Variants in GAK observed in about 807,000 individuals in gnomAD.
GAK encodes cyclin-G-associated kinase.
Under a neutral mutation model 143.9 loss-of-function variants are expected in GAK, and 79 were observed. The observed-to-expected ratio is 0.55, with a 90% CI of 0.46 to 0.66. The LOEUF is 0.66. Among genes scored for constraint, GAK ranks in the 30% least tolerant of loss-of-function variants. GAK has a pLI of 0.00. For synonymous variants in GAK, 881 were observed against 765.5 expected (o/e 1.15, Z -2.49); for missense variants, 1,693 against 1,779.7 (o/e 0.95, Z 0.88).
At chr4:896,312 A>C (rs1362448706) in intron 7 of GAK, 148 bp downstream of exon 7, 1 of 645,696 alleles carries the variant, frequency 1.5e-6, no homozygotes, top group Non-Finnish European at 2.7e-6. Flanking sequence ...GTGATTCTTA[A>C]GGAAAGGAAA....
chr4:907,208 T>A (rs966396940), intron 4 of GAK, among the ~76,000 whole-genome samples: 3 of 152,078 alleles, frequency 2.0e-5, no homozygotes, highest in Admixed American at 6.5e-5. Context: ...CACCTGCGTG[T>A]CCCCAGCACA....
intron 18 of GAK, among the ~76,000 whole-genome samples, chr4:873,398 C>T (rs1247368976): frequency 6.6e-6 from 1 of 152,138 alleles, no homozygotes; most frequent in Non-Finnish European, 1.5e-5. Context: ...TATGACCCAA[C>T]GTGGAGTCCA....
At chr4:919,750 C>T (rs567805197) in intron 1 of GAK, among the ~76,000 whole-genome samples, 16 of 152,348 alleles carry the variant, frequency 1.1e-4, no homozygotes, top group African/African-American at 3.1e-4. Flanking sequence ...ACACACTACT[C>T]GGATACCTGT....
intron 18 of GAK, among the ~76,000 whole-genome samples, chr4:871,633 C>T (rs1288533827): frequency 1.3e-5 from 2 of 148,888 alleles, no homozygotes; most frequent in African/African-American, 2.5e-5. Context: ...CTTGGGGTGT[C>T]GGCCGTGCGG....
chr4:894,177 T>G, intron 7 of GAK, 168 bp from the exon 8 acceptor site: 1 of 707,256 alleles, frequency 1.4e-6, no homozygotes, highest in Non-Finnish European at 2.1e-6. Flanking sequence ...AACACAGGGG[T>G]GATATCGGGA....
intron 27 of GAK, 58 bp downstream of exon 27, chr4:849,834 A>T: frequency 3.5e-4 from 332 of 947,504 alleles, no homozygotes; most frequent in Non-Finnish European, 4.4e-4. Context: ...GCGGGGCAGG[A>T]CCCCCCCCCC....
chr4:924,479 C>T (rs532389255), intron 1 of GAK, among the ~76,000 whole-genome samples: 3 of 150,822 alleles, frequency 2.0e-5, no homozygotes, highest in African/African-American at 7.4e-5. Context: ...GAAAAACACA[C>T]GTCCACAAAA....
At chr4:882,392 G>A (rs1341324034) in intron 14 of GAK, among the ~76,000 whole-genome samples, 1 of 152,200 alleles carries the variant, frequency 6.6e-6, no homozygotes, top group Non-Finnish European at 1.5e-5. Flanking sequence ...CTGCAGATCG[G>A]GAAACTGGAA....
intron 22 of GAK, among the ~76,000 whole-genome samples, chr4:865,950 T>A (rs1434425451): frequency 6.6e-6 from 1 of 152,214 alleles, no homozygotes; most frequent in African/African-American, 2.4e-5. Context: ...CCACGGCCCC[T>A]GCTACACCCA....
chr4:855,484 A>G (rs1007398289), intron 24 of GAK, among the ~76,000 whole-genome samples: 1 of 152,212 alleles, frequency 6.6e-6, no homozygotes, highest in African/African-American at 2.4e-5. Flanking sequence ...AGATCTTTGT[A>G]GATTGCTTCA....
chr4:921,092 T>G (rs1245320431), intron 1 of GAK, among the ~76,000 whole-genome samples: 4 of 151,804 alleles, frequency 2.6e-5, no homozygotes, highest in Non-Finnish European at 5.9e-5. Context: ...TCAATCCAGG[T>G]GATTTCTTCT....
intron 19 of GAK, chr4:868,952 A>G (rs764496356): frequency 4.2e-6 from 2 of 481,798 alleles, no homozygotes; most frequent in Non-Finnish European, 7.6e-6. Flanking sequence ...CTGAGGCATC[A>G]AACGCCACAC....
At chr4:854,721 C>G (rs1378047645) in intron 24 of GAK, among the ~76,000 whole-genome samples, 1 of 152,238 alleles carries the variant, frequency 6.6e-6, no homozygotes, top group East Asian at 1.9e-4. Context: ...GGAACAGTGA[C>G]TTCTCCCATT....
At chr4:896,698 G>C (rs1409606258) in intron 6 of GAK, 149 bp from the exon 7 acceptor site, 2 of 677,456 alleles carry the variant, frequency 3.0e-6, no homozygotes, top group Non-Finnish European at 2.7e-6. Flanking sequence ...CCTCAGGCCA[G>C]TCGGCCCCAT....
chr4:929,801 A>C (rs1725384158), intron 1 of GAK, among the ~76,000 whole-genome samples: 1 of 152,240 alleles, frequency 6.6e-6, no homozygotes, highest in Non-Finnish European at 1.5e-5. Flanking sequence ...CCTAAAAGCT[A>C]TGAAAACCAT....
chr4:888,590 A>AGGGAG, intron 11 of GAK: 1 of 486,550 alleles, frequency 2.1e-6, no homozygotes, highest in Non-Finnish European at 3.7e-6. Flanking sequence ...CATTGCAGCA[A>AGGGAG]GGGAGGGGAG....
intron 6 of GAK, 126 bp from the exon 7 acceptor site, chr4:896,675 T>C (rs1305551633): frequency 5.4e-6 from 4 of 737,710 alleles, no homozygotes; most frequent in Non-Finnish European, 9.5e-6. Context: ...CCGCACACTA[T>C]GCCCCGGGAT....
chr4:876,506 C>A, intron 18 of GAK, 24 bp downstream of exon 18: 2 of 1,608,982 alleles, frequency 1.2e-6, no homozygotes, highest in Non-Finnish European at 1.7e-6. Flanking sequence ...CCCTCCCCAC[C>A]GAGCACAAGC....
At position 866,417 on chromosome 4, in the gene GAK, G is replaced by T. The variant is rs200039965; in HGVS notation, c.2990C>A (p.Pro997Gln). The change falls in exon 22 of 28, where the codon CCG becomes CAG. Residue 997 changes from proline (P) to glutamine (Q), a missense_variant. By Grantham distance (76) the Pro-to-Gln change is moderately conservative. Transcript: ENST00000314167. ...TGGGGGCGGAGCACTGTGGGCAGAC[G>T]GGAAGGATGGTGGGACGGTCACAGA... The part of the protein sequence containing the change: ...SDSVTVPPSF[P>Q]SAHSAPPPSC... 6.2e-7 allele frequency: 1 copy of T among 1,614,090 alleles called. No homozygotes were observed. The highest frequency in any genetic ancestry group is 1.7e-5 in the Admixed American group (1 of 60,016).
Sources: gnomAD v4.1 joint callset for allele counts (sites outside exome capture counted in the v4.1 genomes callset) on GRCh38, gnomAD v4.1.1 for gene constraint, MANE v1.5 for transcripts, NCBI Gene and HGNC (gene_info 2026-07-23, HGNC 2026-07-21) for gene names.